Variants in ATAD2B observed in about 807,000 individuals in gnomAD.
ATAD2B encodes the protein ATPase family AAA domain containing 2B.
A neutral mutation model predicts 167.6 loss-of-function variants in ATAD2B; 40 were observed. The ratio of observed to expected loss-of-function variants is 0.24; its 90% CI spans 0.19 to 0.31. The LOEUF (loss-of-function observed/expected upper bound fraction) is 0.31, where lower values mean the gene tolerates loss of function less well. Among genes scored for constraint, ATAD2B ranks in the 10% least tolerant of loss-of-function variants. The pLI is 1.00. For synonymous variants in ATAD2B, 579 were observed against 596.5 expected (o/e 0.97, Z 0.43); for missense variants, 1,242 against 1,757.2 (o/e 0.71, Z 5.24).
chr2:23,804,273 T>C (rs1285228797), intron 18 of ATAD2B, among the ~76,000 whole-genome samples: 10 of 152,216 alleles, frequency 6.6e-5, no homozygotes, highest in Admixed American at 2.0e-4. Context: ...TAATTTTAAA[T>C]ATGCACTTAA....
At chr2:23,771,648 C>T (rs2149349057) in intron 22 of ATAD2B, among the ~76,000 whole-genome samples, 1 of 152,106 alleles carries the variant, frequency 6.6e-6, no homozygotes, top group African/African-American at 2.4e-5. Context: ...TTCCCTTTTT[C>T]CTCTTTTTCT....
Position 23,754,783 on chromosome 2 carries a change from G to A in ATAD2B, c.4079-9C>T. Reference sequence around the variant, plus strand: ...CTTTACTTTAGAAGCACCTATAATTGAGACAAAAAAATACACTGCAGCAAG... The same window carrying A: ...CTTTACTTTAGAAGCACCTATAATTAAGACAAAAAAATACACTGCAGCAAG... On this transcript the variant is annotated splice_polypyrimidine_tract_variant and intron_variant, in intron 25 of 27. Transcript: ENST00000238789. 6.2e-7 allele frequency: 1 copy of A among 1,605,178 alleles called. No homozygotes were observed. Among genetic ancestry groups the A allele is most frequent in the Non-Finnish European group, 8.5e-7 (1 of 1,176,550 alleles).
chr2:23,835,797 G>A (rs1275583796), intron 13 of ATAD2B, among the ~76,000 whole-genome samples: 1 of 152,062 alleles, frequency 6.6e-6, no homozygotes, highest in Admixed American at 6.6e-5. Context: ...TTAGCTCGGT[G>A]CGGTGGCACG....
chr2:23,717,009 G>A, the ATAD2B span, among the ~76,000 whole-genome samples: 1 of 152,216 alleles, frequency 6.6e-6, no homozygotes, highest in African/African-American at 2.4e-5. Flanking sequence ...GGCGAGGATG[G>A]AGGCAGTGGC....
chr2:23,773,530 G>GA (rs1678659860), intron 22 of ATAD2B, among the ~76,000 whole-genome samples: 1 of 151,930 alleles, frequency 6.6e-6, no homozygotes. Context: ...TTGCGGGAGG[G>GA]AAAAAAAGAA....
intron 18 of ATAD2B, among the ~76,000 whole-genome samples, chr2:23,798,782 C>A (rs1174137697): frequency 6.6e-6 from 1 of 152,130 alleles, no homozygotes; most frequent in Non-Finnish European, 1.5e-5. Flanking sequence ...AATATATAAT[C>A]ATTTTAACCA....
intron 1 of ATAD2B, among the ~76,000 whole-genome samples, chr2:23,915,631 C>T (rs1263067355): frequency 4.6e-4 from 51 of 111,212 alleles, no homozygotes; most frequent in African/African-American, 1.8e-3. Flanking sequence ...CTTGCTCTGT[C>T]GCCAGGCTAG....
chr2:23,704,932 T>C, the ATAD2B span, among the ~76,000 whole-genome samples: 15 of 152,360 alleles, frequency 9.8e-5, no homozygotes, highest in Non-Finnish European at 1.6e-4. Context: ...AGAAAAGATA[T>C]AACCTCCTAC....
chr2:23,905,333 C>A (rs1701344049), intron 1 of ATAD2B, among the ~76,000 whole-genome samples: 1 of 152,116 alleles, frequency 6.6e-6, no homozygotes, highest in African/African-American at 2.4e-5. Flanking sequence ...GCCTGGCCAA[C>A]AAAGGAGACT....
intron 19 of ATAD2B, 103 bp from the exon 20 acceptor site, chr2:23,788,750 T>C: frequency 9.9e-7 from 1 of 1,008,072 alleles, no homozygotes; most frequent in South Asian, 1.8e-5. Flanking sequence ...TCATGTTCAA[T>C]ATTCATAGAC....
the ATAD2B span, among the ~76,000 whole-genome samples, chr2:23,738,526 C>A: frequency 3.3e-5 from 5 of 152,156 alleles, no homozygotes; most frequent in African/African-American, 1.2e-4. Flanking sequence ...ACCAGCCCTG[C>A]CCTAAAAGAG....
chr2:23,752,115 T>C lies in ATAD2B; in HGVS notation c.4336-28A>G, dbSNP rs780311641. On this transcript the variant is annotated intron_variant, in intron 27 of 27. Transcript: ENST00000238789. ...ATAAAAGGAAAAAAAATGCATGTTA[T>C]CTATTAAGGGAAAGACAAAAGTGTT... The C allele has an allele frequency of 5.4e-6, 8 of 1,490,426 alleles. No individual in the cohort carries two copies. The South Asian group carries it at 9.7e-5, about 18-fold the overall frequency. The allele number at this position is 1,490,426 out of a possible 1,614,324, so 92.3% of individuals were successfully genotyped here.
At chr2:23,797,379 T>C (rs1053935309) in intron 19 of ATAD2B, among the ~76,000 whole-genome samples, 16 of 152,086 alleles carry the variant, frequency 1.1e-4, no homozygotes, top group Non-Finnish European at 1.9e-4. Context: ...TTACCTTAGA[T>C]CTGAACTCAA....
chr2:23,841,269 C>G (rs976257847), intron 13 of ATAD2B, among the ~76,000 whole-genome samples: 7 of 151,856 alleles, frequency 4.6e-5, no homozygotes, highest in Non-Finnish European at 2.9e-5. Flanking sequence ...TAAACTGAAC[C>G]TTTTATCATT....
chr2:23,834,817 C>G (rs1396241156), intron 13 of ATAD2B, among the ~76,000 whole-genome samples: 2 of 152,252 alleles, frequency 1.3e-5, no homozygotes, highest in Middle Eastern at 3.4e-3. Flanking sequence ...CTTTGGGAGG[C>G]TGAGGTGGGC....
intron 8 of ATAD2B, among the ~76,000 whole-genome samples, chr2:23,872,020 G>A (rs113213560): frequency 0.064 from 9,806 of 152,136 alleles, 406 homozygotes; most frequent in African/African-American, 0.12. Flanking sequence ...TGGGATTACA[G>A]GTGCACACCA....
intron 13 of ATAD2B, among the ~76,000 whole-genome samples, chr2:23,842,744 T>C (rs1691127685): frequency 6.6e-6 from 1 of 152,128 alleles, no homozygotes; most frequent in Non-Finnish European, 1.5e-5. Context: ...CCCAGATCTC[T>C]AGCTGGTCCT....
At chr2:23,791,896 T>G (rs1242675642) in intron 19 of ATAD2B, among the ~76,000 whole-genome samples, 3 of 152,156 alleles carry the variant, frequency 2.0e-5, no homozygotes, top group Non-Finnish European at 4.4e-5. Context: ...AGTAAGTACC[T>G]AGAACTTGAT....
chr2:23,906,588 A>G (rs1156385806), intron 1 of ATAD2B, among the ~76,000 whole-genome samples: 1 of 152,082 alleles, frequency 6.6e-6, no homozygotes, highest in East Asian at 1.9e-4. Flanking sequence ...TCTGTCTAAT[A>G]TTGACTGTGG....
Sources: gnomAD v4.1 joint callset for allele counts (sites outside exome capture counted in the v4.1 genomes callset) on GRCh38, gnomAD v4.1.1 for gene constraint, MANE v1.5 for transcripts, NCBI Gene and HGNC (gene_info 2026-07-23, HGNC 2026-07-21) for gene names.